Variants in CACNA2D3 observed in about 807,000 individuals in gnomAD.
CACNA2D3 encodes voltage-dependent calcium channel subunit alpha-2/delta-3.
CACNA2D3 carries 60 observed loss-of-function variants against 160.6 expected under a neutral mutation model. That is an observed-to-expected ratio of 0.37 (90% CI 0.30 to 0.46). The LOEUF is 0.46. Among genes scored for constraint, CACNA2D3 ranks in the 20% least tolerant of loss-of-function variants. The pLI is 1.00. For synonymous variants in CACNA2D3, 558 were observed against 492.9 expected, an observed-to-expected ratio of 1.13 and a Z score of -1.75; for missense variants, 1,205 against 1,365.0, an observed-to-expected ratio of 0.88 and a Z score of 1.85.
chr3:54,403,711 A>G (rs923611982), intron 4 of CACNA2D3, among the ~76,000 whole-genome samples: 1 of 152,164 alleles, frequency 6.6e-6, no homozygotes, highest in Non-Finnish European at 1.5e-5. Context: ...TGAATTGTTT[A>G]TTTTTTGAAA....
rs571051236 is a variant in CACNA2D3, at chr3:54,989,496, C to A, written c.2690+1743C>A. 2.6e-5 allele frequency among the ~76,000 whole-genome samples: 4 copies of A among 152,334 alleles called. No homozygotes were observed. In the East Asian group the frequency reaches 7.7e-4, roughly 29 times the overall value. ...TGGGCTTCTTTGACGGGCCTCCTCA[C>A]TGGGGCCAGTAGAGCATTGAGAGTT... On this transcript the variant is annotated intron_variant, in intron 31 of 37. Transcript: ENST00000474759.
chr3:54,195,734 A>G (rs1701067129), intron 2 of CACNA2D3, among the ~76,000 whole-genome samples: 1 of 152,092 alleles, frequency 6.6e-6, no homozygotes, highest in Admixed American at 6.5e-5. Flanking sequence ...GGGTTTTCAC[A>G]GGTTTGGTGG....
intron 2 of CACNA2D3, among the ~76,000 whole-genome samples, chr3:54,308,774 A>G (rs1386047453): frequency 6.6e-6 from 1 of 152,154 alleles, no homozygotes; most frequent in African/African-American, 2.4e-5. Flanking sequence ...TGCTCAGTAA[A>G]TGCTGGCTGC....
At chr3:54,695,086 C>T (rs781458250) in intron 11 of CACNA2D3, among the ~76,000 whole-genome samples, 16 of 152,102 alleles carry the variant, frequency 1.1e-4, no homozygotes, top group Admixed American at 9.2e-4. Flanking sequence ...GGCACAGTCT[C>T]GGCTCACTGC....
chr3:55,072,360 T>C (rs916648291), intron 35 of CACNA2D3, among the ~76,000 whole-genome samples: 2 of 152,198 alleles, frequency 1.3e-5, no homozygotes, highest in African/African-American at 2.4e-5. Context: ...ATTCAACATA[T>C]GAGGTGGCAA....
intron 9 of CACNA2D3, among the ~76,000 whole-genome samples, chr3:54,587,947 G>T (rs992408831): frequency 6.6e-6 from 1 of 152,146 alleles, no homozygotes; most frequent in Admixed American, 6.5e-5. Flanking sequence ...CAGAAAAATA[G>T]AAGAGTAAGG....
At chr3:54,517,647 A>T (rs947246126) in intron 5 of CACNA2D3, among the ~76,000 whole-genome samples, 2 of 152,196 alleles carry the variant, frequency 1.3e-5, no homozygotes, top group Non-Finnish European at 2.9e-5. Context: ...CGTCAGCAGT[A>T]GGTAAATGTG....
chr3:54,305,646 A>G (rs1703581417), intron 2 of CACNA2D3, among the ~76,000 whole-genome samples: 1 of 152,272 alleles, frequency 6.6e-6, no homozygotes, highest in Admixed American at 6.5e-5. Context: ...AAGCAGTGGC[A>G]GATCACCATT....
chr3:54,305,207 TG>T (rs905319161), intron 2 of CACNA2D3, among the ~76,000 whole-genome samples: 21 of 152,362 alleles, frequency 1.4e-4, no homozygotes, highest in African/African-American at 5.1e-4. Flanking sequence ...TAAATTTCTT[TG>T]AACTTGACAC....
intron 2 of CACNA2D3, among the ~76,000 whole-genome samples, chr3:54,154,675 C>T (rs544064955): frequency 6.6e-6 from 1 of 152,270 alleles, no homozygotes; most frequent in South Asian, 2.1e-4. Flanking sequence ...TTTACCCAGT[C>T]TGCCTTTGTA....
intron 34 of CACNA2D3, among the ~76,000 whole-genome samples, chr3:55,012,174 T>C (rs746748090): frequency 2.0e-5 from 3 of 152,166 alleles, no homozygotes; most frequent in Non-Finnish European, 4.4e-5. Context: ...TGGACTTTGG[T>C]TCCATTTGTC....
chr3:54,829,310 T>C (rs992301641), intron 14 of CACNA2D3, among the ~76,000 whole-genome samples: 6 of 152,266 alleles, frequency 3.9e-5, no homozygotes, highest in Middle Eastern at 6.8e-3. Flanking sequence ...TCTTACTAGA[T>C]TCTTTCCCTG....
intron 3 of CACNA2D3, among the ~76,000 whole-genome samples, chr3:54,336,836 T>G (rs1434990496): frequency 1.3e-5 from 2 of 152,146 alleles, no homozygotes; most frequent in African/African-American, 4.8e-5. Flanking sequence ...TATAGTACAG[T>G]AGCATCTATA....
chr3:54,315,183 A>G (rs1251419367), intron 2 of CACNA2D3, among the ~76,000 whole-genome samples: 1 of 152,156 alleles, frequency 6.6e-6, no homozygotes, highest in African/African-American at 2.4e-5. Flanking sequence ...GCCATGGAGT[A>G]ATTTCTAATT....
At chr3:54,545,596 T>G (rs1427611011) in intron 5 of CACNA2D3, among the ~76,000 whole-genome samples, 1 of 152,236 alleles carries the variant, frequency 6.6e-6, no homozygotes, top group Admixed American at 6.5e-5. Context: ...TGCTGGTGAC[T>G]GATACAGTTC....
rs577795381 is a variant in CACNA2D3, at chr3:54,654,191, G to A, written c.1167+11950G>A. On this transcript the variant is annotated intron_variant, in intron 11 of 37. Transcript: ENST00000474759. ...GAGTCACCGAGGGGTTGGCAGTGGG[G>A]GGTCTTGCCAAAAGTGATTCGTGGG... is the stretch of plus-strand genomic sequence containing the variant. Among the ~76,000 whole-genome samples, 46 of 152,174 alleles carry A rather than the reference G, an allele frequency of 3.0e-4. No individual in the cohort carries two copies. In the South Asian group the frequency reaches 8.9e-3, roughly 29 times the overall value.
intron 2 of CACNA2D3, among the ~76,000 whole-genome samples, chr3:54,281,821 G>GTC (rs1360265210): frequency 6.6e-6 from 1 of 152,200 alleles, no homozygotes; most frequent in Non-Finnish European, 1.5e-5. Context: ...TGGATGTTCA[G>GTC]TCTCCGTGGG....
rs564870928 is a variant in CACNA2D3, at chr3:54,372,901, T to G, written c.322-13814T>G. Among the ~76,000 whole-genome samples the G allele has an allele frequency of 2.0e-5, 3 of 152,324 alleles. No homozygotes were observed. The South Asian group carries it at 6.2e-4, about 32-fold the overall frequency. ...TGTCATTCCTTGAATTCGAGAGGAA[T>G]GTGTGAGAATTAGAATGGAAAAATA... On this transcript the variant is annotated intron_variant, in intron 3 of 37. Transcript: ENST00000474759.
Position 54,794,780 on chromosome 3 carries a change from G to A in CACNA2D3, c.1381-22073G>A, listed in dbSNP as rs185761438. ...GGGAAGTCACTGATAATTCTTACTC[G>A]TCATCCCCTAAACCTATGTGCCTTT... On this transcript the variant is annotated intron_variant, in intron 13 of 37. Coordinates refer to ENST00000474759, the MANE Select transcript of CACNA2D3 (RefSeq NM_018398.3). Among the ~76,000 whole-genome samples, 36 of 152,010 alleles carry A rather than the reference G, an allele frequency of 2.4e-4. No homozygotes were observed. In the East Asian group the frequency reaches 5.2e-3, roughly 22 times the overall value.
Sources: gnomAD v4.1 joint callset for allele counts (sites outside exome capture counted in the v4.1 genomes callset) on GRCh38, gnomAD v4.1.1 for gene constraint, MANE v1.5 for transcripts, NCBI Gene and HGNC (gene_info 2026-07-23, HGNC 2026-07-21) for gene names.